The following RGS6 variants were observed in gnomAD, a reference collection of about 807,000 sequenced individuals.
RGS6 encodes regulator of G protein signaling 6.
In RGS6, 30 loss-of-function variants were observed where a neutral mutation model predicts 78.5. The observed-to-expected ratio is 0.38, with a 90% CI of 0.29 to 0.52. The LOEUF (loss-of-function observed/expected upper bound fraction) is 0.52. Among genes scored for constraint, RGS6 ranks in the 20% least tolerant of loss-of-function variants. The probability of loss-of-function intolerance (pLI) is 0.85; values close to 1 mark genes in which losing one functional copy is unlikely to be tolerated. For missense variants in RGS6, 495 were observed against 609.7 expected (o/e 0.81, Z 1.98); for synonymous variants, 206 against 206.0 (o/e 1.00, Z 0.00).
chr14:72,413,050 T>A (rs1451339798), intron 3 of RGS6, among the ~76,000 whole-genome samples: 4 of 152,226 alleles, frequency 2.6e-5, no homozygotes, highest in Non-Finnish European at 5.9e-5. Context: ...TTCTGTTGAT[T>A]TGGGGTGGAG....
chr14:72,129,442 G>A (rs2096269895), intron 2 of RGS6, among the ~76,000 whole-genome samples: 1 of 152,182 alleles, frequency 6.6e-6, no homozygotes, highest in Non-Finnish European at 1.5e-5. Flanking sequence ...TTCTCAGACT[G>A]TTCCACACAC....
intron 3 of RGS6, among the ~76,000 whole-genome samples, chr14:72,426,989 G>A (rs2094457636): frequency 6.6e-6 from 1 of 152,206 alleles, no homozygotes; most frequent in South Asian, 2.1e-4. Flanking sequence ...CTGTGAGGAA[G>A]CCCAAGCAAC....
chr14:72,386,483 A>G (rs572471167), intron 3 of RGS6, among the ~76,000 whole-genome samples: 2 of 152,212 alleles, frequency 1.3e-5, no homozygotes, highest in Non-Finnish European at 2.9e-5. Context: ...TGTTGCAGTG[A>G]GCCAAGATTG....
chr14:72,151,712 T>C (rs74939480), intron 2 of RGS6, among the ~76,000 whole-genome samples: 5,583 of 152,212 alleles, frequency 0.037, 149 homozygotes, highest in African/African-American at 0.068. Flanking sequence ...ATACACATTG[T>C]AGAAAGTGTC....
chr14:72,414,310 T>G (rs545621382), intron 3 of RGS6, among the ~76,000 whole-genome samples: 1 of 152,364 alleles, frequency 6.6e-6, no homozygotes, highest in East Asian at 1.9e-4. Flanking sequence ...TTCATTTCAT[T>G]CATTTCGTCT....
intron 2 of RGS6, among the ~76,000 whole-genome samples, chr14:72,149,397 C>A (rs1048676945): frequency 6.6e-6 from 1 of 152,110 alleles, no homozygotes; most frequent in African/African-American, 2.4e-5. Flanking sequence ...GTTTTAAAAC[C>A]ACCACATGGC....
chr14:72,618,415 C>G, the RGS6 span, among the ~76,000 whole-genome samples: 1 of 152,222 alleles, frequency 6.6e-6, no homozygotes, highest in East Asian at 1.9e-4. Flanking sequence ...CCAGGAGAAG[C>G]TGAACCAGGT....
chr14:72,439,123 C>A (rs2095074377), intron 3 of RGS6, among the ~76,000 whole-genome samples: 1 of 152,228 alleles, frequency 6.6e-6, no homozygotes, highest in South Asian at 2.1e-4. Flanking sequence ...ATCCTCTCTC[C>A]CAACTCCCAT....
intron 2 of RGS6, among the ~76,000 whole-genome samples, chr14:72,304,973 T>A (rs1405474228): frequency 6.6e-6 from 1 of 152,206 alleles, no homozygotes; most frequent in Admixed American, 6.5e-5. Context: ...GACAGTCTAT[T>A]TCCCCACATC....
rs371359049 is a variant in RGS6, at chr14:72,478,377, G to A, written c.854+48G>A. 23 of 1,296,934 alleles carry A rather than the reference G, an allele frequency of 1.8e-5. No homozygotes were observed. The African/African-American group carries it at 2.6e-4, about 15-fold the overall frequency. 80.3% of individuals were successfully genotyped at this position (1,296,934 alleles called of 1,614,324 possible). On this transcript the variant is annotated intron_variant, in intron 12 of 17. Coordinates refer to ENST00000553525, the MANE Select transcript of RGS6 (RefSeq NM_001204424.2). ...TACTACTTTCTTCTAATTTAACAGG[G>A]AAGAAATGTTACAGGGTTATGGTTA...
At chr14:72,016,355 T>C in intron 2 of RGS6, among the ~76,000 whole-genome samples, 1 of 152,214 alleles carries the variant, frequency 6.6e-6, no homozygotes, top group East Asian at 1.9e-4. Context: ...CTGTTCTTTA[T>C]TTTATTTTTA....
intron 17 of RGS6, among the ~76,000 whole-genome samples, chr14:72,549,470 C>T (rs923572509): frequency 2.0e-5 from 3 of 152,174 alleles, no homozygotes; most frequent in Non-Finnish European, 2.9e-5. Context: ...AGTTCCCATC[C>T]GGAAAGGGTG....
chr14:72,516,300 A>G (rs2153457195), intron 14 of RGS6, among the ~76,000 whole-genome samples: 1 of 152,298 alleles, frequency 6.6e-6, no homozygotes, highest in African/African-American at 2.4e-5. Context: ...GAGAGAGTGG[A>G]CAGAGAGCCC....
the RGS6 span, chr14:72,629,767 G>T: frequency 2.0e-6 from 3 of 1,491,180 alleles, no homozygotes; most frequent in Non-Finnish European, 2.7e-6. Flanking sequence ...CAGCATTAGG[G>T]CCAAAGTATG....
intron 17 of RGS6, among the ~76,000 whole-genome samples, chr14:72,559,209 C>A (rs1277206234): frequency 6.6e-6 from 1 of 152,198 alleles, no homozygotes; most frequent in Admixed American, 6.5e-5. Context: ...CTGGGCACAG[C>A]GGATTCCTCG....
chr14:72,100,227 G>A (rs2095499454), intron 2 of RGS6, among the ~76,000 whole-genome samples: 1 of 152,180 alleles, frequency 6.6e-6, no homozygotes, highest in African/African-American at 2.4e-5. Context: ...ATAAGGGGCT[G>A]GGTGTGGTGG....
At chr14:72,356,920 T>C (rs2080421528) in intron 3 of RGS6, among the ~76,000 whole-genome samples, 1 of 152,230 alleles carries the variant, frequency 6.6e-6, no homozygotes, top group Non-Finnish European at 1.5e-5. Flanking sequence ...AGCATGAGAA[T>C]GGACTAATAC....
At chr14:72,555,523 C>A (rs936092359) in intron 17 of RGS6, among the ~76,000 whole-genome samples, 3 of 152,218 alleles carry the variant, frequency 2.0e-5, no homozygotes, top group Non-Finnish European at 2.9e-5. Context: ...AATCACCCTG[C>A]ATTGCCCAGA....
At chr14:71,895,923 TCTC>T in the RGS6 span, among the ~76,000 whole-genome samples, 1 of 151,954 alleles carries the variant, frequency 6.6e-6, no homozygotes, top group African/African-American at 2.4e-5. Context: ...CCAACCTCAC[TCTC>T]CTCCTACTCT....
Sources: allele counts gnomAD v4.1 joint callset (sites outside exome capture counted in the v4.1 genomes callset), GRCh38; gene constraint gnomAD v4.1.1; transcripts MANE v1.5; gene names NCBI Gene and HGNC (gene_info 2026-07-23, HGNC 2026-07-21).